The following BACH2 variants were observed in gnomAD, a reference collection of about 807,000 sequenced individuals.
BACH2 encodes the protein transcription regulator protein BACH2.
Under a neutral mutation model 61.8 loss-of-function variants are expected in BACH2, and 5 were observed. That is an observed-to-expected ratio of 0.08 (90% CI 0.04 to 0.17). The LOEUF is 0.17. Among genes scored for constraint, BACH2 ranks in the 10% least tolerant of loss-of-function variants. The probability of loss-of-function intolerance (pLI) is 1.00; values close to 1 mark genes in which losing one functional copy is unlikely to be tolerated. For synonymous variants in BACH2, 446 were observed against 440.1 expected, an observed-to-expected ratio of 1.01 and a Z score of -0.17; for missense variants, 824 against 1,091.1, an observed-to-expected ratio of 0.76 and a Z score of 3.45.
chr6:89,932,873 T>C lies in BACH2; in HGVS notation c.2061A>G (p.Lys687=), dbSNP rs758369009. The C allele has an allele frequency of 2.5e-6, 4 of 1,595,422 alleles. No individual in the cohort carries two copies. Among genetic ancestry groups the C allele is most frequent in the Non-Finnish European group, 3.4e-6 (4 of 1,166,486 alleles). Residue 687 remains lysine, a synonymous_variant, in exon 9 of 9, where the codon AAA becomes AAG. Transcript: ENST00000257749. ...EIRKLVCEKE[K]LLSERNQLKA... Reference sequence around the variant, plus strand: ...TCAGTTGATTCCTCTCTGACAACAGTTTCTCTTTCTCACACACCTGGACAG... The same window carrying C: ...TCAGTTGATTCCTCTCTGACAACAGCTTCTCTTTCTCACACACCTGGACAG...
chr6:90,161,749 C>T (rs1785199217), intron 4 of BACH2, among the ~76,000 whole-genome samples: 3 of 152,152 alleles, frequency 2.0e-5, no homozygotes, highest in Admixed American at 2.0e-4. Flanking sequence ...TACCTTTCCA[C>T]TGCAACCTGT....
chr6:90,216,906 T>C (rs1382608385), intron 3 of BACH2, among the ~76,000 whole-genome samples: 1 of 152,104 alleles, frequency 6.6e-6, no homozygotes, highest in Non-Finnish European at 1.5e-5. Flanking sequence ...CATAATAAAG[T>C]ATTACTGGTC....
chr6:90,259,556 G>T (rs1183870911), intron 2 of BACH2, among the ~76,000 whole-genome samples: 2 of 152,138 alleles, frequency 1.3e-5, no homozygotes, highest in Non-Finnish European at 2.9e-5. Context: ...TCTTTGGCTG[G>T]CTGGGTATCA....
chr6:89,933,641 A>T (rs150280729), intron 8 of BACH2, among the ~76,000 whole-genome samples: 1 of 151,976 alleles, frequency 6.6e-6, no homozygotes, highest in East Asian at 1.9e-4. Flanking sequence ...CCATATGGAA[A>T]CTCTCTGTAT....
chr6:90,273,276 C>G (rs991123515), intron 1 of BACH2, among the ~76,000 whole-genome samples: 7 of 152,056 alleles, frequency 4.6e-5, no homozygotes, highest in African/African-American at 1.7e-4. Context: ...AAGGATCACT[C>G]GAGCCCAGGA....
Position 90,128,990 on chromosome 6 carries a change from C to T in BACH2, c.-161-39881G>A, listed in dbSNP as rs376856044. Reference sequence around the variant, plus strand: ...AAAAACCAAACACCGCATGTTCTCACTCATAGGTGGGAATTGAACAATGAG... The same window carrying T: ...AAAAACCAAACACCGCATGTTCTCATTCATAGGTGGGAATTGAACAATGAG... On this transcript the variant is annotated intron_variant, in intron 4 of 8. Coordinates refer to ENST00000257749, the MANE Select transcript of BACH2 (RefSeq NM_021813.4). 2.0e-3 allele frequency among the ~76,000 whole-genome samples: 299 copies of T among 152,110 alleles called. 4 individuals carry two copies. The South Asian group carries it at 0.03, about 15-fold the overall frequency.
intron 4 of BACH2, among the ~76,000 whole-genome samples, chr6:90,095,225 G>T (rs1782332968): frequency 7.7e-6 from 1 of 130,010 alleles, no homozygotes; most frequent in Non-Finnish European, 1.6e-5. Flanking sequence ...ATTCAGAGAT[G>T]AAGTTTTTTT....
intron 5 of BACH2, among the ~76,000 whole-genome samples, chr6:90,075,171 T>C (rs892914362): frequency 7.2e-5 from 11 of 152,164 alleles, no homozygotes; most frequent in Admixed American, 2.0e-4. Flanking sequence ...ATAAGGCACA[T>C]ACTACCATTA....
chr6:90,045,394 G>GT (rs904087135), intron 5 of BACH2, among the ~76,000 whole-genome samples: 1 of 152,182 alleles, frequency 6.6e-6, no homozygotes, highest in African/African-American at 2.4e-5. Context: ...ACCCATGAGA[G>GT]TGAGTCCTTC....
intron 7 of BACH2, among the ~76,000 whole-genome samples, chr6:89,939,878 G>GA (rs1164338309): frequency 2.9e-5 from 4 of 137,738 alleles, no homozygotes; most frequent in African/African-American, 8.1e-5. Flanking sequence ...CAGAGAAGGG[G>GA]AAAAAAAGAG....
chr6:90,032,286 A>T (rs1779030272), intron 5 of BACH2, among the ~76,000 whole-genome samples: 1 of 149,712 alleles, frequency 6.7e-6, no homozygotes, highest in African/African-American at 2.5e-5. Flanking sequence ...CATTCAGGAC[A>T]TAGGCATGGG....
intron 5 of BACH2, among the ~76,000 whole-genome samples, chr6:90,034,188 C>T (rs1194513457): frequency 1.3e-5 from 2 of 152,106 alleles, no homozygotes; most frequent in Admixed American, 6.6e-5. Flanking sequence ...GCATACCAAC[C>T]GTATCTAATG....
chr6:90,178,688 A>G, intron 4 of BACH2, among the ~76,000 whole-genome samples: 1 of 152,346 alleles, frequency 6.6e-6, no homozygotes, highest in African/African-American at 2.4e-5. Context: ...CACTCAAAAA[A>G]AAAGTACCCA....
chr6:90,044,742 G>A (rs1779702110), intron 5 of BACH2, among the ~76,000 whole-genome samples: 1 of 152,200 alleles, frequency 6.6e-6, no homozygotes, highest in Non-Finnish European at 1.5e-5. Flanking sequence ...TGGATGTGGG[G>A]TGAGAGAACG....
chr6:89,984,885 A>C (rs1354832490), intron 6 of BACH2, among the ~76,000 whole-genome samples: 1 of 152,232 alleles, frequency 6.6e-6, no homozygotes, highest in Non-Finnish European at 1.5e-5. Flanking sequence ...ACATATTAAG[A>C]TAAACACAAT....
intron 3 of BACH2, among the ~76,000 whole-genome samples, chr6:90,218,812 C>G (rs556440390): frequency 6.6e-6 from 1 of 152,116 alleles, no homozygotes. Flanking sequence ...ACAGAAACTT[C>G]AAATGCAGGG....
chr6:90,207,498 C>T (rs1460541326), intron 3 of BACH2, among the ~76,000 whole-genome samples: 2 of 152,088 alleles, frequency 1.3e-5, no homozygotes, highest in Non-Finnish European at 2.9e-5. Flanking sequence ...GCCTTTTCCT[C>T]TGAAAGGTGT....
intron 3 of BACH2, among the ~76,000 whole-genome samples, chr6:90,227,596 A>G (rs985321786): frequency 4.6e-5 from 7 of 152,214 alleles, no homozygotes; most frequent in African/African-American, 1.7e-4. Flanking sequence ...TGGAGATTAC[A>G]GCAGCAAGAT....
chr6:90,200,230 GC>G (rs1190057932), intron 4 of BACH2, among the ~76,000 whole-genome samples: 6 of 152,156 alleles, frequency 3.9e-5, no homozygotes, highest in Non-Finnish European at 8.8e-5. Flanking sequence ...CAGGCAGACA[GC>G]CTGAAAGGGT....
Sources: gnomAD v4.1 joint callset for allele counts (sites outside exome capture counted in the v4.1 genomes callset) on GRCh38, gnomAD v4.1.1 for gene constraint, MANE v1.5 for transcripts, NCBI Gene and HGNC (gene_info 2026-07-23, HGNC 2026-07-21) for gene names.